The following SYTL5 variants were observed in gnomAD, a reference collection of about 807,000 sequenced individuals.
The protein encoded by SYTL5 is synaptotagmin like 5.
SYTL5 carries 34 observed loss-of-function variants against 55.9 expected under a neutral mutation model. The observed-to-expected ratio is 0.61, with a 90% confidence interval of 0.46 to 0.81. The LOEUF is 0.81. Among genes scored for constraint, SYTL5 ranks in the 30% least tolerant of loss-of-function variants. SYTL5 has a pLI of 0.00. For missense variants in SYTL5, 637 were observed against 546.7 expected (o/e 1.17, Z -1.65); for synonymous variants, 221 against 188.7 (o/e 1.17, Z -1.40).
chrX:37,974,473 G>A, the SYTL5 span, among the ~76,000 whole-genome samples: 1 of 111,699 alleles, frequency 9.0e-6, no homozygotes, highest in Non-Finnish European at 1.9e-5. Flanking sequence ...CTTCCTTTTG[G>A]GATGATGAAA....
chrX:37,941,437 C>T, the SYTL5 span, among the ~76,000 whole-genome samples: 1 of 111,677 alleles, frequency 9.0e-6, no homozygotes, highest in Non-Finnish European at 1.9e-5. Context: ...AGTTCAGAGA[C>T]CATAGCAGAG....
At chrX:37,939,018 G>T in the SYTL5 span, among the ~76,000 whole-genome samples, 187 of 111,175 alleles carry the variant, frequency 1.7e-3, no homozygotes, top group Non-Finnish European at 3.1e-3. Flanking sequence ...AGCACTTTGG[G>T]AGGCCGAGGC....
intron 3 of SYTL5, among the ~76,000 whole-genome samples, chrX:38,062,653 A>G (rs1217152627): frequency 9.0e-6 from 1 of 111,702 alleles, no homozygotes; most frequent in Non-Finnish European, 1.9e-5. Flanking sequence ...TCTTGCACTT[A>G]CAGGTAGGCC....
chrX:37,911,664 G>C, the SYTL5 span, among the ~76,000 whole-genome samples: 3 of 111,305 alleles, frequency 2.7e-5, no homozygotes, highest in Non-Finnish European at 5.7e-5. Flanking sequence ...ACATCAAAGA[G>C]TATCCCCTCC....
At chrX:37,916,213 C>G in the SYTL5 span, among the ~76,000 whole-genome samples, 8 of 111,739 alleles carry the variant, frequency 7.2e-5, no homozygotes, top group East Asian at 1.7e-3. Context: ...GGCTCCCACA[C>G]AACAGCATAA....
At chrX:37,928,371 G>A in the SYTL5 span, among the ~76,000 whole-genome samples, 1 of 111,781 alleles carries the variant, frequency 8.9e-6, no homozygotes, top group Non-Finnish European at 1.9e-5. Context: ...GGGTCAGCAA[G>A]CTACTGCTTT....
the SYTL5 span, among the ~76,000 whole-genome samples, chrX:37,989,873 A>C: frequency 9.2e-6 from 1 of 109,050 alleles, no homozygotes; most frequent in South Asian, 4.1e-4. Context: ...TGAACATCTT[A>C]TTATTATTAT....
At chrX:38,102,277 C>A in intron 9 of SYTL5, 65 bp from the exon 10 acceptor site, 2 of 765,582 alleles carry the variant, frequency 2.6e-6, no homozygotes, top group South Asian at 2.4e-5. Context: ...AGTGGTTTCT[C>A]AAGTGAAAAA....
the SYTL5 span, among the ~76,000 whole-genome samples, chrX:37,927,785 A>G: frequency 1.8e-5 from 2 of 110,720 alleles, no homozygotes; most frequent in African/African-American, 6.6e-5. Flanking sequence ...CAAAAACAAA[A>G]CAAAACAAAA....
At position 38,108,712 on chromosome X, in the gene SYTL5, G is replaced by A. The variant is rs376755041; in HGVS notation, c.1434+13G>A. The A allele has an allele frequency of 1.8e-5, 19 of 1,078,260 alleles. No individual in the cohort carries two copies. Among genetic ancestry groups the A allele is most frequent in the Non-Finnish European group, 2.2e-5 (17 of 784,975 alleles). The allele number at this position is 1,078,260 out of a possible 1,213,427, so 88.9% of individuals were successfully genotyped here. ...TGAAACACTAAAGGTAAATAAATAC[G>A]GTCTCATAGTAACTCATGTGGTACT... On this transcript the variant is annotated intron_variant, in intron 12 of 16. Coordinates refer to ENST00000297875, the MANE Select transcript of SYTL5 (RefSeq NM_138780.3).
chrX:37,961,036 G>A, the SYTL5 span, among the ~76,000 whole-genome samples: 2 of 109,535 alleles, frequency 1.8e-5, no homozygotes, highest in South Asian at 3.9e-4. Context: ...CACCTGCCTC[G>A]GCCTCCCAAA....
At chrX:38,085,638 T>C (rs1936646199) in intron 6 of SYTL5, among the ~76,000 whole-genome samples, 1 of 111,806 alleles carries the variant, frequency 8.9e-6, no homozygotes, top group Admixed American at 9.5e-5. Flanking sequence ...TGTGTTGTAC[T>C]GCACATTAGT....
Position 38,126,638 on chromosome X carries a change from C to T in SYTL5, c.2101C>T (p.Gln701Ter). The part of the protein sequence containing the change: ...VDWMDSQGEE[Q>*]RLWQKMANNP... ...TTGGATGGACTCTCAGGGGGAAGAG[C>T]AGCGCCTTTGGCAGAAGATGGCCAA... is the stretch of plus-strand genomic sequence containing the variant. The change falls in exon 17 of 17, where the codon CAG becomes TAG. Residue 701 changes from glutamine to a stop codon, truncating the protein, a stop_gained. Transcript: ENST00000297875. LOFTEE classifies it high-confidence loss of function. The T allele has an allele frequency of 8.3e-7, 1 of 1,210,710 alleles. No homozygotes were observed.
the SYTL5 span, among the ~76,000 whole-genome samples, chrX:37,998,294 G>T: frequency 2.7e-5 from 3 of 112,458 alleles, no homozygotes; most frequent in Admixed American, 9.3e-5. Flanking sequence ...TCGCCATGTT[G>T]CAGGCAAAGA....
intron 7 of SYTL5, among the ~76,000 whole-genome samples, chrX:38,092,309 G>A (rs1043592228): frequency 1.8e-5 from 2 of 111,711 alleles, no homozygotes; most frequent in Admixed American, 9.5e-5. Context: ...AACATCCCAC[G>A]ATAGGCTGTC....
chrX:37,939,962 G>C, the SYTL5 span, among the ~76,000 whole-genome samples: 3 of 111,232 alleles, frequency 2.7e-5, no homozygotes, highest in Non-Finnish European at 5.7e-5. Flanking sequence ...TCCTTGAATA[G>C]CTGGGACTAC....
chrX:38,072,149 A>G lies in SYTL5; in HGVS notation c.432A>G (p.Leu144=). Residue 144 remains leucine (L), a synonymous_variant, in exon 4 of 17, where the codon TTA becomes TTG. Transcript: ENST00000297875. ...LGTDVVRQSI[L]RRSPGAEEVQ... ...CTGATGTTGTCCGACAGTCCATTTT[A>G]AGAAGAAGTCCAGGTAATTAAAGCA... 8.3e-7 allele frequency: 1 copy of G among 1,202,883 alleles called. No homozygotes were observed. Among genetic ancestry groups the G allele is most frequent in the Non-Finnish European group, 1.1e-6 (1 of 887,805 alleles).
Position 38,126,696 on chromosome X carries a change from T to C in SYTL5, c.2159T>C (p.Met720Thr). 1 of 1,210,083 alleles carries C rather than the reference T, an allele frequency of 8.3e-7. No individual in the cohort carries two copies. The highest frequency in any genetic ancestry group is 1.1e-6 in the Non-Finnish European group (1 of 894,791). The change falls in exon 17 of 17, where the codon ATG (methionine) becomes ACG (threonine). Residue 720 changes from methionine to threonine, a missense_variant. Physicochemically the swap from Met to Thr is moderately conservative, Grantham distance 81. Coordinates refer to ENST00000297875, the MANE Select transcript of SYTL5 (RefSeq NM_138780.3). ...NPGTPFEGVL[M>T]LRSSMGKCRL ...GGAACTCCCTTTGAGGGTGTACTCATGCTTCGTTCCAGCATGGGAAAATGT... is the reference window on the plus strand; with the variant it reads ...GGAACTCCCTTTGAGGGTGTACTCACGCTTCGTTCCAGCATGGGAAAATGT...
the SYTL5 span, among the ~76,000 whole-genome samples, chrX:37,964,108 A>G: frequency 4.5e-5 from 5 of 111,370 alleles, no homozygotes; most frequent in Admixed American, 1.9e-4. Flanking sequence ...TTGGGAAGCA[A>G]TTAGGTCATG....
Sources: allele counts gnomAD v4.1 joint callset (sites outside exome capture counted in the v4.1 genomes callset), GRCh38; gene constraint gnomAD v4.1.1; transcripts MANE v1.5; gene names NCBI Gene and HGNC (gene_info 2026-07-23, HGNC 2026-07-21).